Variants in MYO1H observed in about 807,000 individuals in gnomAD.
MYO1H encodes myosin IH.
Under a neutral mutation model 149.3 loss-of-function variants are expected in MYO1H, and 118 were observed. The observed-to-expected ratio is 0.79, with a 90% confidence interval of 0.68 to 0.92. The LOEUF is 0.92. MYO1H is among the 40% of genes least tolerant of loss of function. The probability of loss-of-function intolerance (pLI) is 0.00; values close to 1 mark genes in which losing one functional copy is unlikely to be tolerated. For missense variants in MYO1H, 1,212 were observed against 1,280.7 expected, an observed-to-expected ratio of 0.95 and a Z score of 0.82; for synonymous variants, 447 against 465.2, an observed-to-expected ratio of 0.96 and a Z score of 0.50.
chr12:109,375,621 A>T (rs1869072610), intron 1 of MYO1H, among the ~76,000 whole-genome samples: 3 of 152,132 alleles, frequency 2.0e-5, no homozygotes, highest in Admixed American at 2.0e-4. Flanking sequence ...AAATGTATTG[A>T]TTTTAATGTA....
At chr12:109,443,045 T>TATATGTGTAC (rs200928836) in intron 27 of MYO1H, among the ~76,000 whole-genome samples, 1 of 93,492 alleles carries the variant, frequency 1.1e-5, no homozygotes, top group African/African-American at 5.3e-5. Flanking sequence ...TGTGTGTGTG[T>TATATGTGTAC]GTATATATGT....
At chr12:109,441,779 G>A in intron 26 of MYO1H, 71 bp downstream of exon 26, 1 of 1,092,396 alleles carries the variant, frequency 9.2e-7, no homozygotes, top group Non-Finnish European at 1.3e-6. Context: ...GGGTGCGGTG[G>A]CTCATGCCCA....
intron 7 of MYO1H, among the ~76,000 whole-genome samples, chr12:109,404,826 A>C (rs67599242): frequency 0.079 from 11,698 of 148,814 alleles, 654 homozygotes; most frequent in African/African-American, 0.16. Flanking sequence ...TTTATAAACA[A>C]TTTGTTTTTA....
At chr12:109,333,498 A>G in the MYO1H span, among the ~76,000 whole-genome samples, 2 of 151,742 alleles carry the variant, frequency 1.3e-5, no homozygotes, top group African/African-American at 4.8e-5. Context: ...TTCTCTCTCC[A>G]TCTTTGCCTT....
At chr12:109,376,960 C>A (rs1869098870) in intron 1 of MYO1H, among the ~76,000 whole-genome samples, 1 of 152,104 alleles carries the variant, frequency 6.6e-6, no homozygotes, top group African/African-American at 2.4e-5. Flanking sequence ...TCTTTAATTT[C>A]TTCTAATTGT....
Position 109,401,277 on chromosome 12 carries a change from G to A in MYO1H, c.750+5G>A. ...CTGTATAAATACCTCTCACAGGTGG[G>A]AAGGACCAGCACCTGGCTTTGGTGA... is the stretch of plus-strand genomic sequence containing the variant. On this transcript the variant is annotated splice_donor_5th_base_variant and intron_variant, in intron 6 of 31. Transcript: ENST00000310903. 1 of 1,606,690 alleles carries A rather than the reference G, an allele frequency of 6.2e-7. No homozygotes were observed. Among genetic ancestry groups the A allele is most frequent in the South Asian group, 1.1e-5 (1 of 89,778 alleles).
chr12:109,440,020 G>A (rs7956194), intron 24 of MYO1H, among the ~76,000 whole-genome samples: 60,059 of 151,360 alleles, frequency 0.4, 12,155 homozygotes, highest in African/African-American at 0.43. Flanking sequence ...GCCACTGGAG[G>A]TTGTTTAAAC....
chr12:109,433,776 G>A (rs1313106439), intron 20 of MYO1H, among the ~76,000 whole-genome samples: 1 of 152,146 alleles, frequency 6.6e-6, no homozygotes, highest in Non-Finnish European at 1.5e-5. Context: ...ATCTCCAAGG[G>A]GATTCTGCAA....
At chr12:109,390,041 G>A (rs1441919831) in intron 2 of MYO1H, among the ~76,000 whole-genome samples, 3 of 152,122 alleles carry the variant, frequency 2.0e-5, no homozygotes, top group East Asian at 1.9e-4. Context: ...GGATCATTGC[G>A]ATTAAGCTAA....
At chr12:109,433,830 T>G (rs887887321) in intron 20 of MYO1H, among the ~76,000 whole-genome samples, 28 of 152,018 alleles carry the variant, frequency 1.8e-4, no homozygotes, top group African/African-American at 6.0e-4. Context: ...AGGTCAGAGG[T>G]GGGATCCGTC....
chr12:109,317,909 G>C, the MYO1H span, among the ~76,000 whole-genome samples: 1 of 152,184 alleles, frequency 6.6e-6, no homozygotes, highest in African/African-American at 2.4e-5. Flanking sequence ...TTTCAACTGT[G>C]TCTCTCAGGC....
exon 8 of MYO1H, chr12:109,406,008 C>T: frequency 6.2e-7 from 1 of 1,613,470 alleles, no homozygotes; most frequent in Non-Finnish European, 8.5e-7. Flanking sequence ...CTATCCCAGA[C>T]ACCCATGAGA....
At chr12:109,333,524 G>T in the MYO1H span, among the ~76,000 whole-genome samples, 1 of 152,068 alleles carries the variant, frequency 6.6e-6, no homozygotes, top group South Asian at 2.1e-4. Context: ...TCTAGTCCCT[G>T]CTGCCTTATT....
At position 109,447,124 on chromosome 12, in the gene MYO1H, G is replaced by T. The variant is rs186365117; in HGVS notation, c.3094-35G>T. On this transcript the variant is annotated intron_variant, in intron 31 of 31. Transcript: ENST00000310903. ...TTTCCTTTTGCGCAAAGGGAGCGGG[G>T]AAGGGCTGTAAACCGAAGTGTGACT... 2.5e-5 allele frequency: 39 copies of T among 1,585,416 alleles called. No individual in the cohort carries two copies. The East Asian group carries it at 7.3e-4, about 30-fold the overall frequency.
At chr12:109,359,825 C>T (rs1868701583) in intron 1 of MYO1H, among the ~76,000 whole-genome samples, 1 of 152,148 alleles carries the variant, frequency 6.6e-6, no homozygotes, top group South Asian at 2.1e-4. Context: ...AATCAAAGGG[C>T]GTCTTTGGCA....
chr12:109,422,560 A>T (rs1326129793), intron 16 of MYO1H, among the ~76,000 whole-genome samples: 1 of 152,214 alleles, frequency 6.6e-6, no homozygotes, highest in Non-Finnish European at 1.5e-5. Context: ...CTCTGGGGTC[A>T]TGGCCGTCAG....
chr12:109,319,596 AGTTAAATCAAG>A, the MYO1H span, among the ~76,000 whole-genome samples: 2 of 152,216 alleles, frequency 1.3e-5, no homozygotes, highest in Non-Finnish European at 2.9e-5. Flanking sequence ...TTTTTACCAC[AGTTAAATCAAG>A]GAAATGAGTA....
chr12:109,358,405 T>C (rs1263054104), intron 1 of MYO1H, among the ~76,000 whole-genome samples: 3 of 152,158 alleles, frequency 2.0e-5, no homozygotes, highest in Non-Finnish European at 4.4e-5. Flanking sequence ...AGTTGATCTC[T>C]TTTGGTTCTG....
At chr12:109,381,833 A>G (rs1372767601) in intron 1 of MYO1H, among the ~76,000 whole-genome samples, 1 of 152,170 alleles carries the variant, frequency 6.6e-6, no homozygotes, top group East Asian at 1.9e-4. Flanking sequence ...CTTAAAAAAA[A>G]AGTTAACTAT....
Sources: allele counts gnomAD v4.1 joint callset (sites outside exome capture counted in the v4.1 genomes callset), GRCh38; gene constraint gnomAD v4.1.1; transcripts MANE v1.5; gene names NCBI Gene and HGNC (gene_info 2026-07-23, HGNC 2026-07-21).